Variants in ZNF577 observed in about 807,000 individuals in gnomAD.
ZNF577 encodes the protein zinc finger protein 577.
Under a neutral mutation model 13.9 loss-of-function variants are expected in ZNF577, and 14 were observed. The ratio of observed to expected loss-of-function variants is 1.00; its 90% CI spans 0.66 to 1.57. The LOEUF (loss-of-function observed/expected upper bound fraction) is 1.57. Ranked by LOEUF, ZNF577 falls within the 40% of genes most tolerant of loss-of-function variation. The pLI is 0.00. For missense variants in ZNF577, 555 were observed against 579.2 expected (o/e 0.96, Z 0.43); for synonymous variants, 203 against 202.9 (o/e 1.00, Z 0.00).
intron 1 of ZNF577, among the ~76,000 whole-genome samples, chr19:51,885,578 C>A (rs999413065): frequency 1.3e-5 from 2 of 152,068 alleles, no homozygotes; most frequent in Non-Finnish European, 2.9e-5. Flanking sequence ...ATGGCATGAT[C>A]CCAGCTCACT....
Position 51,871,791 on chromosome 19 carries a change from T to A in ZNF577, c.*741A>T, listed in dbSNP as rs1046205599. On this transcript the variant is annotated 3_prime_UTR_variant, in exon 6 of 6. Coordinates refer to ENST00000638348, the MANE Select transcript of ZNF577 (RefSeq NM_001370449.1). Reference sequence around the variant, plus strand: ...GAAAGGAGGCCCCAAACCACAGAATTTGGGCAGCTTCTAGAAGCTGGAAGG... The same window carrying A: ...GAAAGGAGGCCCCAAACCACAGAATATGGGCAGCTTCTAGAAGCTGGAAGG... 2.6e-5 allele frequency: 4 copies of A among 152,084 alleles called. No homozygotes were observed. The highest frequency in any genetic ancestry group is 4.8e-5 in the African/African-American group (2 of 41,400). The allele number at this position is 152,084 out of a possible 1,614,324, so 9.4% of individuals were successfully genotyped here.
Position 51,816,111 on chromosome 19 carries a change from T to G in ZNF577, c.*600-4437A>C, listed in dbSNP as rs573584553. On this transcript the variant is annotated intron_variant and NMD_transcript_variant, in intron 9 of 10. Coordinates refer to the ZNF577 transcript ENST00000638827. ...GAGAAATGAGATTAGATGAGCTTCT[T>G]GAGTTGGTGAACACAAAGAGGTGCC... Among the ~76,000 whole-genome samples, 51 of 151,334 alleles carry G rather than the reference T, an allele frequency of 3.4e-4. No homozygotes were observed. In the South Asian group the frequency reaches 0.011, roughly 32 times the overall value.
intron 10 of ZNF577, among the ~76,000 whole-genome samples, chr19:51,808,496 C>G (rs2084075417): frequency 6.6e-6 from 1 of 152,178 alleles, no homozygotes; most frequent in Non-Finnish European, 1.5e-5. Flanking sequence ...TATTCCGAGG[C>G]TTCTTTAATG....
rs116697759 is a variant in ZNF577 at position 51,881,994 on chromosome 19, T to C, written c.-218-1117A>G. On this transcript the variant is annotated intron_variant, in intron 1 of 5. Coordinates refer to ENST00000638348, the MANE Select transcript of ZNF577 (RefSeq NM_001370449.1). ...CCAGAGAGCTGATCTCCAAGCCATT[T>C]TCTGACCCACTGGTAAACGCACTGG... 3.7e-3 allele frequency among the ~76,000 whole-genome samples: 560 copies of C among 152,300 alleles called. 3 individuals are homozygous for C. The highest frequency in any genetic ancestry group is 0.013 in the African/African-American group (536 of 41,554).
At chr19:51,863,807 C>T (rs1313638353), downstream of ZNF577, among the ~76,000 whole-genome samples, 1 of 152,140 alleles carries the variant, frequency 6.6e-6, no homozygotes, top group African/African-American at 2.4e-5. Context: ...TCACCCAATG[C>T]CATTCTGCAC....
chr19:51,880,653 G>A (rs1468903987), intron 2 of ZNF577, 26 bp downstream of exon 2: 4 of 476,412 alleles, frequency 8.4e-6, no homozygotes, highest in Non-Finnish European at 1.5e-5. Flanking sequence ...GGAAACAAAC[G>A]ACAAAATAGG....
intron 5 of ZNF577, among the ~76,000 whole-genome samples, chr19:51,876,418 T>G (rs185575632): frequency 6.7e-6 from 1 of 149,358 alleles, no homozygotes; most frequent in Admixed American, 6.7e-5. Flanking sequence ...GCCCTGAGAG[T>G]GAATTAAACT....
chr19:51,859,389 T>G (rs1467439710), intron 5 of ZNF577, among the ~76,000 whole-genome samples: 1 of 152,168 alleles, frequency 6.6e-6, no homozygotes, highest in Non-Finnish European at 1.5e-5. Flanking sequence ...GGTCATATGG[T>G]AAGTCTGGAT....
intron 10 of ZNF577, among the ~76,000 whole-genome samples, chr19:51,808,970 G>A (rs1448334677): frequency 6.6e-6 from 1 of 152,218 alleles, no homozygotes; most frequent in Non-Finnish European, 1.5e-5. Context: ...GCAGTGGGCA[G>A]AGGAGAAATA....
downstream of ZNF577, among the ~76,000 whole-genome samples, chr19:51,863,653 AT>A (rs2084528467): frequency 6.6e-6 from 1 of 152,246 alleles, no homozygotes; most frequent in Non-Finnish European, 1.5e-5. Flanking sequence ...TTTGTGTATC[AT>A]TTTGGAACAT....
downstream of ZNF577, among the ~76,000 whole-genome samples, chr19:51,867,005 G>A (rs1389363389): frequency 6.8e-6 from 1 of 146,638 alleles, no homozygotes; most frequent in Non-Finnish European, 1.5e-5. Context: ...AAGGAAGAAG[G>A]AAAGAAAGAA....
At chr19:51,808,203 G>A (rs185399030) in intron 10 of ZNF577, among the ~76,000 whole-genome samples, 8 of 152,258 alleles carry the variant, frequency 5.3e-5, no homozygotes, top group African/African-American at 1.9e-4. Flanking sequence ...ACCTAACATC[G>A]GTCATGGCCA....
At chr19:51,875,816 C>T (rs896456665) in intron 5 of ZNF577, among the ~76,000 whole-genome samples, 3 of 152,182 alleles carry the variant, frequency 2.0e-5, no homozygotes, top group African/African-American at 7.2e-5. Flanking sequence ...GTCAGTCAAA[C>T]GTGCAGCAAT....
intron 9 of ZNF577, among the ~76,000 whole-genome samples, chr19:51,838,218 G>A (rs721891): frequency 0.14 from 20,547 of 151,998 alleles, 1,674 homozygotes; most frequent in East Asian, 0.26. Flanking sequence ...GAGTTCTTTA[G>A]GTATCCACAT....
At chr19:51,883,130 T>C (rs2084889158) in intron 1 of ZNF577, among the ~76,000 whole-genome samples, 1 of 151,848 alleles carries the variant, frequency 6.6e-6, no homozygotes, top group Non-Finnish European at 1.5e-5. Context: ...GTAGTTGGGA[T>C]TACAGGTGCC....
At chr19:51,878,598 T>C in intron 3 of ZNF577, 83 bp from the exon 4 acceptor site, 1 of 1,544,110 alleles carries the variant, frequency 6.5e-7, no homozygotes, top group Non-Finnish European at 8.9e-7. Flanking sequence ...TCTTGATCCT[T>C]TTCTCCATGA....
In ZNF577 at chr19:51,873,056, C is replaced by T. The variant is rs773541481; in HGVS notation, c.934G>A (p.Asp312Asn). The T allele has an allele frequency of 1.2e-6, 2 of 1,614,134 alleles. No individual in the cohort carries two copies. Among genetic ancestry groups the T allele is most frequent in the South Asian group, 2.2e-5 (2 of 91,074 alleles). Reference sequence around the variant, plus strand: ...TGAATCCTCTGATGTCTGGTCAGGTCTGACTTAAAATAGAAGGTTCTTCCA... The same window carrying T: ...TGAATCCTCTGATGTCTGGTCAGGTTTGACTTAAAATAGAAGGTTCTTCCA... The part of the protein sequence containing the change: ...DCGRTFYFKS[D>N]LTRHQRIHTG... Residue 312 changes from aspartate (D) to asparagine (N), a missense_variant, in exon 6 of 6, where the codon GAC becomes AAC. Physicochemically the swap from Asp to Asn is conservative, Grantham distance 23 (BLOSUM62 1). Transcript: ENST00000638348.
intron 4 of ZNF577, 156 bp downstream of exon 4, chr19:51,878,233 T>G (rs1386763177): frequency 2.6e-6 from 2 of 761,734 alleles, no homozygotes; most frequent in Non-Finnish European, 3.9e-6. Context: ...TGCACGCTTA[T>G]GGTTAAGACG....
At chr19:51,839,996 T>C (rs186026734) in exon 9 of ZNF577, 1 of 152,212 alleles carries the variant, frequency 6.6e-6, no homozygotes. Context: ...CAGTAGCACC[T>C]TCGCGGAACA....
Sources: gnomAD v4.1 joint callset for allele counts (sites outside exome capture counted in the v4.1 genomes callset) on GRCh38, gnomAD v4.1.1 for gene constraint, MANE v1.5 for transcripts, NCBI Gene and HGNC (gene_info 2026-07-23, HGNC 2026-07-21) for gene names.